The following VAV3 variants were observed in gnomAD, a reference collection of about 807,000 sequenced individuals.
The protein encoded by VAV3 is guanine nucleotide exchange factor VAV3.
In VAV3, 94 loss-of-function variants were observed where a neutral mutation model predicts 131.2. That is an observed-to-expected ratio of 0.72 (90% confidence interval 0.61 to 0.85). VAV3 has a LOEUF of 0.85. VAV3 is among the 40% of genes least tolerant of loss of function. The probability of loss-of-function intolerance (pLI) is 0.00; values close to 1 mark genes in which losing one functional copy is unlikely to be tolerated. For missense variants in VAV3, 939 were observed against 1,002.7 expected (o/e 0.94, Z 0.86); for synonymous variants, 349 against 342.0 (o/e 1.02, Z -0.22).
At position 107,779,505 on chromosome 1, in the gene VAV3, G is replaced by A; in HGVS notation, c.322-13C>T. 1 of 1,566,274 alleles carries A rather than the reference G, an allele frequency of 6.4e-7. No homozygotes were observed. Among genetic ancestry groups the A allele is most frequent in the South Asian group, 1.2e-5 (1 of 81,546 alleles). ...ATGTTTCTATAACCTGAGAAAAGAG[G>A]AAAATACTAATTAGATATGTAGTTC... On this transcript the variant is annotated splice_polypyrimidine_tract_variant and intron_variant, in intron 2 of 26. Transcript: ENST00000370056.
At chr1:107,647,163 G>A (rs1655799510) in intron 19 of VAV3, among the ~76,000 whole-genome samples, 1 of 150,592 alleles carries the variant, frequency 6.6e-6, no homozygotes, top group African/African-American at 2.4e-5. Flanking sequence ...TATTCATGAT[G>A]CTGTTATCAC....
chr1:107,668,103 A>G (rs1657536192), intron 19 of VAV3, among the ~76,000 whole-genome samples: 1 of 152,194 alleles, frequency 6.6e-6, no homozygotes, highest in Admixed American at 6.5e-5. Context: ...ATTGACAATT[A>G]AGAGTGCTTA....
At chr1:107,936,666 T>C (rs926675809) in intron 1 of VAV3, among the ~76,000 whole-genome samples, 1 of 152,216 alleles carries the variant, frequency 6.6e-6, no homozygotes, top group Non-Finnish European at 1.5e-5. Flanking sequence ...GACTGTGGCA[T>C]ACTGCATGCA....
At chr1:107,689,179 T>C (rs1659246053) in intron 17 of VAV3, among the ~76,000 whole-genome samples, 1 of 152,100 alleles carries the variant, frequency 6.6e-6, no homozygotes, top group South Asian at 2.1e-4. Context: ...CCTTTCCCCA[T>C]ACCCAGGAGC....
At chr1:107,783,627 C>T (rs12754651) in intron 2 of VAV3, among the ~76,000 whole-genome samples, 17,907 of 152,110 alleles carry the variant, frequency 0.12, 1,190 homozygotes, top group Non-Finnish European at 0.14. Context: ...CCCAGTGAGG[C>T]CACCCACTCC....
intron 25 of VAV3, among the ~76,000 whole-genome samples, chr1:107,580,510 G>T (rs566651776): frequency 6.6e-5 from 10 of 152,128 alleles, no homozygotes; most frequent in Non-Finnish European, 7.3e-5. Context: ...CTTCTTAGGA[G>T]TAAAAGGTTA....
At chr1:107,658,683 A>T in intron 19 of VAV3, among the ~76,000 whole-genome samples, 1 of 151,890 alleles carries the variant, frequency 6.6e-6, no homozygotes, top group Non-Finnish European at 1.5e-5. Flanking sequence ...TTTGATTTGT[A>T]TTTCTCTGAT....
intron 2 of VAV3, among the ~76,000 whole-genome samples, chr1:107,811,656 A>C (rs954996503): frequency 2.0e-5 from 3 of 152,226 alleles, no homozygotes; most frequent in Non-Finnish European, 4.4e-5. Flanking sequence ...ATTCATAAAA[A>C]AGCAGAACTA....
intron 3 of VAV3, among the ~76,000 whole-genome samples, chr1:107,779,181 AAAG>A (rs1394246230): frequency 4.5e-4 from 69 of 152,146 alleles, no homozygotes; most frequent in Admixed American, 1.2e-3. Context: ...AAAAAAAAAA[AAAG>A]AAGAACCACA....
chr1:107,739,567 C>A (rs1401418803), intron 15 of VAV3, among the ~76,000 whole-genome samples: 1 of 152,166 alleles, frequency 6.6e-6, no homozygotes, highest in African/African-American at 2.4e-5. Context: ...ATTCTGCACC[C>A]ATAAACAAAT....
chr1:107,581,645 C>A (rs1650061627), intron 25 of VAV3, among the ~76,000 whole-genome samples: 1 of 151,942 alleles, frequency 6.6e-6, no homozygotes, highest in South Asian at 2.1e-4. Context: ...AGAAGAATGC[C>A]AATTAAAAAG....
intron 1 of VAV3, among the ~76,000 whole-genome samples, chr1:107,956,884 C>G (rs1303293788): frequency 1.3e-5 from 2 of 151,872 alleles, no homozygotes; most frequent in Non-Finnish European, 2.9e-5. Context: ...ACAAGCAGGA[C>G]AAATCGAGGG....
intron 9 of VAV3, among the ~76,000 whole-genome samples, chr1:107,761,634 G>A (rs1355329353): frequency 6.6e-6 from 1 of 152,060 alleles, no homozygotes; most frequent in African/African-American, 2.4e-5. Flanking sequence ...CCAGCCTCCA[G>A]CAAAATACAT....
chr1:107,574,392 A>C (rs912118541), intron 25 of VAV3, among the ~76,000 whole-genome samples, 194 bp from the exon 26 acceptor site: 1 of 152,250 alleles, frequency 6.6e-6, no homozygotes, highest in African/African-American at 2.4e-5. Context: ...AATTCGCTTC[A>C]TAAGTTTAAA....
At chr1:107,747,766 GTGA>G (rs1231820247) in intron 15 of VAV3, among the ~76,000 whole-genome samples, 10 of 152,290 alleles carry the variant, frequency 6.6e-5, no homozygotes, top group Admixed American at 5.2e-4. Context: ...GTTCATGGCA[GTGA>G]TAATAGATGA....
intron 15 of VAV3, among the ~76,000 whole-genome samples, chr1:107,734,508 A>C (rs969156836): frequency 1.4e-4 from 21 of 152,196 alleles, no homozygotes; most frequent in Non-Finnish European, 2.8e-4. Flanking sequence ...AAAGGGATGG[A>C]GGAAGATCTA....
chr1:107,699,318 C>A (rs1017314888), intron 17 of VAV3, among the ~76,000 whole-genome samples: 1 of 152,268 alleles, frequency 6.6e-6, no homozygotes, highest in Non-Finnish European at 1.5e-5. Flanking sequence ...TGAAATCCAG[C>A]AGGGCAGTTA....
intron 20 of VAV3, among the ~76,000 whole-genome samples, chr1:107,620,560 A>G (rs756375117): frequency 6.6e-6 from 1 of 152,066 alleles, no homozygotes; most frequent in Non-Finnish European, 1.5e-5. Context: ...TGCATTTATT[A>G]GTATGTATCA....
At chr1:107,738,170 G>C (rs777428481) in intron 15 of VAV3, among the ~76,000 whole-genome samples, 4 of 152,092 alleles carry the variant, frequency 2.6e-5, no homozygotes, top group African/African-American at 9.7e-5. Flanking sequence ...ACACTTGGAC[G>C]AAGGGTGGGG....
Sources: gnomAD v4.1 joint callset for allele counts (sites outside exome capture counted in the v4.1 genomes callset) on GRCh38, gnomAD v4.1.1 for gene constraint, MANE v1.5 for transcripts, NCBI Gene and HGNC (gene_info 2026-07-23, HGNC 2026-07-21) for gene names.